The following ENTPD4 variants were observed in gnomAD, a reference collection of about 807,000 sequenced individuals.
ENTPD4 encodes Golgi UDPase.
In ENTPD4, 60 loss-of-function variants were observed where a neutral mutation model predicts 79.1. The observed-to-expected ratio is 0.76, with a 90% CI of 0.62 to 0.94. ENTPD4 has a LOEUF of 0.94. Ranked by LOEUF, ENTPD4 falls within the 40% of genes least tolerant of loss-of-function variation. The probability of loss-of-function intolerance (pLI) is 0.00; values close to 1 mark genes in which losing one functional copy is unlikely to be tolerated. For synonymous variants in ENTPD4, 276 were observed against 292.0 expected (o/e 0.95, Z 0.56); for missense variants, 772 against 775.1 (o/e 1.00, Z 0.05).
chr8:23,452,838 C>T (rs921152599), intron 1 of ENTPD4, among the ~76,000 whole-genome samples: 11 of 152,330 alleles, frequency 7.2e-5, no homozygotes, highest in Admixed American at 3.9e-4. Context: ...CATGAGTCCT[C>T]GGTGAGTTTC....
At chr8:23,451,273 G>A (rs1357725178) in intron 1 of ENTPD4, among the ~76,000 whole-genome samples, 1 of 152,142 alleles carries the variant, frequency 6.6e-6, no homozygotes, top group Non-Finnish European at 1.5e-5. Context: ...GCCGGCCTCA[G>A]CCTCCCAAAG....
intron 9 of ENTPD4, 66 bp downstream of exon 9, chr8:23,439,683 G>A (rs1800632999): frequency 1.4e-5 from 20 of 1,475,564 alleles, no homozygotes; most frequent in Non-Finnish European, 1.7e-5. Flanking sequence ...ACTTTGCCTG[G>A]GTCTGTTTTT....
At chr8:23,441,335 T>C (rs1019850877) in intron 8 of ENTPD4, 1 of 809,860 alleles carries the variant, frequency 1.2e-6, no homozygotes, top group African/African-American at 1.9e-5. Context: ...ACTGCGTATA[T>C]ACCAAAGAAA....
chr8:23,431,844 A>G lies in ENTPD4; in HGVS notation c.*1082T>C. 4.1e-6 allele frequency: 4 copies of G among 985,446 alleles called. No individual in the cohort carries two copies. Among genetic ancestry groups the G allele is most frequent in the Non-Finnish European group, 4.8e-6 (4 of 829,924 alleles). 61.0% of individuals were successfully genotyped at this position (985,446 alleles called of 1,614,324 possible). ...AGGAATTTCCAATTCTTTCAAAACC[A>G]CAGTGTTCTAATGCCACTGAAATAT... On this transcript the variant is annotated 3_prime_UTR_variant, in exon 13 of 13. Coordinates refer to ENST00000358689, the MANE Select transcript of ENTPD4 (RefSeq NM_004901.5).
Position 23,431,012 on chromosome 8 carries a change from T to G in ENTPD4, c.*1914A>C, listed in dbSNP as rs1247511361. The G allele has an allele frequency of 6.1e-6, 6 of 980,914 alleles. No individual in the cohort carries two copies. Among genetic ancestry groups the G allele is most frequent in the Non-Finnish European group, 7.3e-6 (6 of 825,796 alleles). 60.8% of individuals were successfully genotyped at this position (980,914 alleles called of 1,614,324 possible). On this transcript the variant is annotated 3_prime_UTR_variant, in exon 13 of 13. Transcript: ENST00000358689. ...TCCCCAGGCTGCTGGTAACACGCTT[T>G]GAAATCCAGGTGAGGGAGCCATGCC...
intron 11 of ENTPD4, chr8:23,434,688 A>T: frequency 7.1e-7 from 1 of 1,410,464 alleles, no homozygotes; most frequent in Non-Finnish European, 9.2e-7. Context: ...TCACCTGTCA[A>T]ATCAATCAGT....
At position 23,431,809 on chromosome 8, in the gene ENTPD4, T is replaced by C. The variant is rs1800458906; in HGVS notation, c.*1117A>G. 2.0e-6 allele frequency: 2 copies of C among 985,310 alleles called. No homozygotes were observed. Among genetic ancestry groups the C allele is most frequent in the Non-Finnish European group, 2.4e-6 (2 of 829,942 alleles). The allele number at this position is 985,310 out of a possible 1,614,324, so 61.0% of individuals were successfully genotyped here. Reference sequence around the variant, plus strand: ...GCTCTAGTTCCAATAAAACCGAAACTGGTGAAACTAGGAATTTCCAATTCT... The same window carrying C: ...GCTCTAGTTCCAATAAAACCGAAACCGGTGAAACTAGGAATTTCCAATTCT... On this transcript the variant is annotated 3_prime_UTR_variant, in exon 13 of 13. Coordinates refer to ENST00000358689, the MANE Select transcript of ENTPD4 (RefSeq NM_004901.5).
intron 7 of ENTPD4, 70 bp from the exon 8 acceptor site, chr8:23,441,793 C>CTT: frequency 6.5e-7 from 1 of 1,527,432 alleles, no homozygotes; most frequent in Non-Finnish European, 8.9e-7. Context: ...GAAGAGTCAC[C>CTT]TTCTTTTCAT....
In ENTPD4 at chr8:23,431,483, A is replaced by C. The variant is rs1225444931; in HGVS notation, c.*1443T>G. 20 of 985,258 alleles carry C rather than the reference A, an allele frequency of 2.0e-5. No individual in the cohort carries two copies. The highest frequency in any genetic ancestry group is 2.4e-5 in the Non-Finnish European group (20 of 829,922). 61.0% of individuals were successfully genotyped at this position (985,258 alleles called of 1,614,324 possible). A position where few individuals can be genotyped will look rare whatever the true frequency, so the allele number is the denominator to read the frequency against. On this transcript the variant is annotated 3_prime_UTR_variant, in exon 13 of 13. Transcript: ENST00000358689. The stretch of plus-strand genomic sequence containing the variant: ...CACCAATCTCACATATGCCAATCCA[A>C]TTGTCCTTTTTAGATTTTGGCTTAA...
chr8:23,452,207 C>A (rs527331378), intron 1 of ENTPD4, among the ~76,000 whole-genome samples: 4 of 152,194 alleles, frequency 2.6e-5, no homozygotes, highest in African/African-American at 4.8e-5. Context: ...GGGAGCTCCC[C>A]CAGGCCCAGG....
Position 23,447,788 on chromosome 8 carries a change from C to T in ENTPD4, c.304G>A (p.Val102Ile). Residue 102 changes from valine to isoleucine, a missense_variant, in exon 4 of 13, where the codon GTA becomes ATA. Transcript: ENST00000358689. ...VVDCGSSGSRVFVYCWPRHNG... is the reference protein window; with the variant it reads ...VVDCGSSGSRIFVYCWPRHNG... ...TGCCTTGGCCAGCAGTAAACAAATA[C>T]TCGAGACCCACTGCTACCACAGTCC... 1 of 1,614,180 alleles carries T rather than the reference C, an allele frequency of 6.2e-7. No individual in the cohort carries two copies. The highest frequency in any genetic ancestry group is 8.5e-7 in the Non-Finnish European group (1 of 1,179,998).
rs1015958020 is a variant in ENTPD4, at chr8:23,439,680, C to A, written c.1049+69G>T. 11 of 1,461,902 alleles carry A rather than the reference C, an allele frequency of 7.5e-6. No homozygotes were observed. In the Admixed American group the frequency reaches 1.2e-4, roughly 16 times the overall value. 90.6% of individuals were successfully genotyped at this position (1,461,902 alleles called of 1,614,324 possible). On this transcript the variant is annotated intron_variant, in intron 9 of 12. Coordinates refer to ENST00000358689, the MANE Select transcript of ENTPD4 (RefSeq NM_004901.5). ...GCTAATTGAGTTCTTCCCACTTTGC[C>A]TGGGTCTGTTTTTTATGAGGAGAGA... is the stretch of plus-strand genomic sequence containing the variant.
chr8:23,435,781 A>G (rs1481236155), intron 10 of ENTPD4, among the ~76,000 whole-genome samples: 1 of 152,214 alleles, frequency 6.6e-6, no homozygotes, highest in Non-Finnish European at 1.5e-5. Context: ...ACGGGCATAC[A>G]TTTTTGGAAA....
At position 23,429,612 on chromosome 8, in the gene ENTPD4, T is replaced by G; in HGVS notation, c.*3314A>C. The G allele has an allele frequency of 1.0e-6, 1 of 985,434 alleles. No homozygotes were observed. The allele number at this position is 985,434 out of a possible 1,614,324, so 61.0% of individuals were successfully genotyped here. Reference sequence around the variant, plus strand: ...ATGCTCCTTATAAGGAAAACTACTCTGTGTAGGCCTGAGTTTAAAATGTAA... The same window carrying G: ...ATGCTCCTTATAAGGAAAACTACTCGGTGTAGGCCTGAGTTTAAAATGTAA... On this transcript the variant is annotated 3_prime_UTR_variant, in exon 13 of 13. Coordinates refer to ENST00000358689, the MANE Select transcript of ENTPD4 (RefSeq NM_004901.5).
At position 23,441,692 on chromosome 8, in the gene ENTPD4, A is replaced by C. The variant is rs1174110813; in HGVS notation, c.759T>G (p.Pro253=). The C allele has an allele frequency of 6.2e-7, 1 of 1,614,124 alleles. No homozygotes were observed. The highest frequency in any genetic ancestry group is 8.5e-7 in the Non-Finnish European group (1 of 1,180,040). The change falls in exon 8 of 13, where the codon CCT becomes CCG. Residue 253 remains proline, a synonymous_variant. Transcript: ENST00000358689. The part of the protein sequence containing the change: ...DDEAVVEVNI[P]GSESSEAIVR... ...CAATGGCTTCGCTGCTTTCACTTCC[A>C]GGAATGTTAACTTCCACAACGGCCT... is the stretch of plus-strand genomic sequence containing the variant.
chr8:23,445,653 G>A (rs989663616), intron 4 of ENTPD4, among the ~76,000 whole-genome samples: 1 of 152,144 alleles, frequency 6.6e-6, no homozygotes, highest in Non-Finnish European at 1.5e-5. Context: ...GACAACTCTT[G>A]TTAAATTCCA....
intron 1 of ENTPD4, among the ~76,000 whole-genome samples, chr8:23,456,695 C>G (rs991727723): frequency 2.0e-5 from 3 of 152,188 alleles, no homozygotes; most frequent in African/African-American, 4.8e-5. Context: ...AATTAACAAA[C>G]CTGATACAAA....
At chr8:23,456,534 T>C (rs1406245527) in intron 1 of ENTPD4, among the ~76,000 whole-genome samples, 2 of 152,238 alleles carry the variant, frequency 1.3e-5, no homozygotes, top group Non-Finnish European at 2.9e-5. Context: ...CTCAAGGGCC[T>C]CAGTCACACA....
Position 23,432,499 on chromosome 8 carries a change from A to G in ENTPD4, c.*427T>C, listed in dbSNP as rs532843241. The G allele has an allele frequency of 1.8e-4, 172 of 947,192 alleles. No homozygotes were observed. The highest frequency in any genetic ancestry group is 1.2e-3 in the Admixed American group (16 of 13,682). 58.7% of individuals were successfully genotyped at this position (947,192 alleles called of 1,614,324 possible). On this transcript the variant is annotated 3_prime_UTR_variant, in exon 13 of 13. Coordinates refer to ENST00000358689, the MANE Select transcript of ENTPD4 (RefSeq NM_004901.5). ...CTTCTAGACAGCAGGGCTTATAAAC[A>G]ATGCATTTTTTTTTTTTGAGACGGA...
Sources: allele counts gnomAD v4.1 joint callset (sites outside exome capture counted in the v4.1 genomes callset), GRCh38; gene constraint gnomAD v4.1.1; transcripts MANE v1.5; gene names NCBI Gene and HGNC (gene_info 2026-07-23, HGNC 2026-07-21).